Variants in ADAM23 observed in about 807,000 individuals in gnomAD.
The protein encoded by ADAM23 is ADAM metallopeptidase domain 23.
A neutral mutation model predicts 120.1 loss-of-function variants in ADAM23; 33 were observed. The observed-to-expected ratio is 0.27, with a 90% CI of 0.21 to 0.37. The LOEUF is 0.37. ADAM23 is among the 10% of genes least tolerant of loss of function. The pLI is 1.00. For missense variants in ADAM23, 862 were observed against 1,058.2 expected (o/e 0.81, Z 2.57); for synonymous variants, 367 against 375.2 (o/e 0.98, Z 0.25).
intron 18 of ADAM23, among the ~76,000 whole-genome samples, chr2:206,584,457 C>T (rs901880326): frequency 1.3e-5 from 2 of 152,160 alleles, no homozygotes; most frequent in Non-Finnish European, 2.9e-5. Flanking sequence ...CTATAATCAG[C>T]TCTTCAGTTT....
intron 3 of ADAM23, among the ~76,000 whole-genome samples, chr2:206,519,843 C>A (rs1337862692): frequency 6.6e-6 from 1 of 151,888 alleles, no homozygotes; most frequent in East Asian, 1.9e-4. Context: ...GAGACTCCAT[C>A]TCTACAAAAA....
chr2:206,467,051 G>A (rs1051163672), intron 2 of ADAM23, among the ~76,000 whole-genome samples: 3 of 152,162 alleles, frequency 2.0e-5, no homozygotes, highest in Non-Finnish European at 2.9e-5. Context: ...AACCGCTTGC[G>A]TGATCAAATC....
chr2:206,567,382 A>C, intron 15 of ADAM23, 60 bp downstream of exon 15: 1 of 1,391,972 alleles, frequency 7.2e-7, no homozygotes, highest in Non-Finnish European at 1.0e-6. Flanking sequence ...TTTACAGTGC[A>C]ACAGTGCTGG....
intron 3 of ADAM23, among the ~76,000 whole-genome samples, chr2:206,507,589 T>A (rs1489727791): frequency 6.6e-6 from 1 of 152,196 alleles, no homozygotes; most frequent in Non-Finnish European, 1.5e-5. Flanking sequence ...TATAAATTAC[T>A]CAGGCTCAGG....
At chr2:206,593,667 A>G (rs1422758124) in intron 22 of ADAM23, among the ~76,000 whole-genome samples, 2 of 152,126 alleles carry the variant, frequency 1.3e-5, no homozygotes, top group Non-Finnish European at 2.9e-5. Context: ...TTTGACGTAT[A>G]CAAGCTTTAT....
intron 25 of ADAM23, among the ~76,000 whole-genome samples, chr2:206,613,992 G>A (rs1698885955): frequency 6.6e-6 from 1 of 152,106 alleles, no homozygotes; most frequent in Non-Finnish European, 1.5e-5. Context: ...AGGACTACAG[G>A]ATGAACACTG....
At chr2:206,532,441 T>G in intron 4 of ADAM23, among the ~76,000 whole-genome samples, 1 of 152,130 alleles carries the variant, frequency 6.6e-6, no homozygotes, top group Non-Finnish European at 1.5e-5. Flanking sequence ...CAGTTGTAAC[T>G]AAAACTTAAA....
chr2:206,497,935 C>G (rs1393534051), intron 3 of ADAM23, among the ~76,000 whole-genome samples: 4 of 152,134 alleles, frequency 2.6e-5, no homozygotes, highest in African/African-American at 9.7e-5. Context: ...ACCTAGGAAT[C>G]CAACTTACAA....
rs951506500 is a variant in ADAM23 at position 206,444,988 on chromosome 2, A to T, written c.215-319A>T. Among the ~76,000 whole-genome samples the T allele has an allele frequency of 2.0e-4, 22 of 110,502 alleles. No homozygotes were observed. The East Asian group carries it at 4.9e-3, about 25-fold the overall frequency. 72.5% of individuals were successfully genotyped at this position (110,502 alleles called of 152,430 possible). On this transcript the variant is annotated intron_variant, in intron 1 of 25. Transcript: ENST00000264377. ...TCATTTAATGACTCTTCTTCCCTCA[A>T]GTTCATTCTACCCCCCCCCCAACAC...
chr2:206,540,708 C>A (rs1697273894), intron 4 of ADAM23, among the ~76,000 whole-genome samples: 1 of 151,782 alleles, frequency 6.6e-6, no homozygotes, highest in East Asian at 1.9e-4. Flanking sequence ...TGTCACTTAT[C>A]CCAGAAAGGC....
At chr2:206,617,326 T>G (rs1698952970) in intron 25 of ADAM23, among the ~76,000 whole-genome samples, 1 of 152,218 alleles carries the variant, frequency 6.6e-6, no homozygotes, top group Non-Finnish European at 1.5e-5. Flanking sequence ...TGATTTAAAA[T>G]AAACAACCCA....
chr2:206,505,913 G>A (rs1284848267), intron 3 of ADAM23, among the ~76,000 whole-genome samples: 4 of 152,152 alleles, frequency 2.6e-5, no homozygotes, highest in African/African-American at 9.7e-5. Context: ...CAAGTGCAAA[G>A]GATATCCAGA....
At chr2:206,605,962 G>T in intron 24 of ADAM23, 1 of 591,414 alleles carries the variant, frequency 1.7e-6, no homozygotes, top group South Asian at 2.0e-5. Flanking sequence ...TCCATGTCTC[G>T]TCCTGTTGAC....
intron 22 of ADAM23, 68 bp downstream of exon 22, chr2:206,592,804 A>C: frequency 6.6e-7 from 1 of 1,520,810 alleles, no homozygotes; most frequent in Non-Finnish European, 8.9e-7. Flanking sequence ...ATGAAATTTC[A>C]AAAAAATCAG....
At chr2:206,481,125 A>G in intron 2 of ADAM23, 107 bp from the exon 3 acceptor site, 1 of 747,752 alleles carries the variant, frequency 1.3e-6, no homozygotes, top group Non-Finnish European at 2.1e-6. Context: ...ACATAAGGAA[A>G]TGAACTGATA....
rs149598246 is a variant in ADAM23, at chr2:206,473,494, G to A, written c.433-7738G>A. ...CACACCTGTAATCTCAGCATTTTGG[G>A]TGGCTAAGATGGGAGGATTGCTTGA... is the stretch of plus-strand genomic sequence containing the variant. On this transcript the variant is annotated intron_variant, in intron 2 of 25. Transcript: ENST00000264377. Among the ~76,000 whole-genome samples the A allele has an allele frequency of 7.1e-3, 1,074 of 151,886 alleles. 16 individuals carry two copies. Among genetic ancestry groups the A allele is most frequent in the African/African-American group, 0.025 (1,015 of 41,426 alleles).
At chr2:206,522,645 A>G (rs1696866673) in intron 3 of ADAM23, among the ~76,000 whole-genome samples, 4 of 152,126 alleles carry the variant, frequency 2.6e-5, no homozygotes, top group African/African-American at 9.7e-5. Context: ...AGTTATGTTA[A>G]TAAATATTGG....
At chr2:206,573,544 C>G (rs1205950390) in intron 18 of ADAM23, among the ~76,000 whole-genome samples, 2 of 152,074 alleles carry the variant, frequency 1.3e-5, no homozygotes, top group African/African-American at 4.8e-5. Flanking sequence ...TTGGCATCAC[C>G]ATCATTCCTG....
rs374017098 is a variant in ADAM23 at position 206,515,379 on chromosome 2, A to G, written c.510-15506A>G. On this transcript the variant is annotated intron_variant, in intron 3 of 25. Transcript: ENST00000264377. ...AGGGCACGGGATAATTTCCCTTGCC[A>G]TTTTATTTTGAAACCAGCTTTGTTG... Among the ~76,000 whole-genome samples the G allele has an allele frequency of 2.1e-4, 32 of 152,244 alleles. No homozygotes were observed. The East Asian group carries it at 4.1e-3, about 19-fold the overall frequency.
Sources: gnomAD v4.1 joint callset for allele counts (sites outside exome capture counted in the v4.1 genomes callset) on GRCh38, gnomAD v4.1.1 for gene constraint, MANE v1.5 for transcripts, NCBI Gene and HGNC (gene_info 2026-07-23, HGNC 2026-07-21) for gene names.